PAPSS1: variants seen among roughly 807,000 people sequenced by gnomAD.
PAPSS1 encodes bifunctional 3'-phosphoadenosine 5'-phosphosulfate synthase 1.
PAPSS1 carries 50 observed loss-of-function variants against 72.0 expected under a neutral mutation model. The observed-to-expected ratio is 0.69, with a 90% CI of 0.55 to 0.88. The LOEUF is 0.88. PAPSS1 is among the 40% of genes least tolerant of loss of function. PAPSS1 has a pLI of 0.00. For missense variants in PAPSS1, 657 were observed against 782.2 expected (o/e 0.84, Z 1.91); for synonymous variants, 261 against 263.6 (o/e 0.99, Z 0.09).
chr4:107,717,729 C>T (rs1028984951), intron 1 of PAPSS1, among the ~76,000 whole-genome samples: 1 of 152,186 alleles, frequency 6.6e-6, no homozygotes, highest in Non-Finnish European at 1.5e-5. Flanking sequence ...ATCACCCTTA[C>T]CCCCGTGCCC....
intron 1 of PAPSS1, among the ~76,000 whole-genome samples, chr4:107,709,858 A>G (rs1456748963): frequency 6.6e-6 from 1 of 152,244 alleles, no homozygotes; most frequent in African/African-American, 2.4e-5. Context: ...GATTTGTTCA[A>G]TAATAAAAGT....
At chr4:107,646,546 A>C (rs1294980082) in intron 9 of PAPSS1, among the ~76,000 whole-genome samples, 1 of 152,148 alleles carries the variant, frequency 6.6e-6, no homozygotes, top group Non-Finnish European at 1.5e-5. Flanking sequence ...GTACAACATG[A>C]GCTGGAACAC....
rs779941501 is a variant in PAPSS1, at chr4:107,701,164, A to T, written c.175+7T>A. 6.3e-7 allele frequency: 1 copy of T among 1,592,128 alleles called. No individual in the cohort carries two copies. Among genetic ancestry groups the T allele is most frequent in the Non-Finnish European group, 8.6e-7 (1 of 1,160,264 alleles). On this transcript the variant is annotated splice_region_variant and intron_variant, in intron 2 of 11. Coordinates refer to ENST00000265174, the MANE Select transcript of PAPSS1 (RefSeq NM_005443.5). ...AAAATAAACTGCTTTCTCTCTCTTG[A>T]CCATACCTGTTAGCCAAACTGTGCA...
chr4:107,623,433 G>A (rs1354360854), intron 11 of PAPSS1, among the ~76,000 whole-genome samples: 1 of 152,220 alleles, frequency 6.6e-6, no homozygotes, highest in African/African-American at 2.4e-5. Flanking sequence ...GTTTGCTTCT[G>A]CTGAATGCTT....
At chr4:107,649,014 A>G (rs1726772719) in intron 9 of PAPSS1, among the ~76,000 whole-genome samples, 1 of 152,226 alleles carries the variant, frequency 6.6e-6, no homozygotes, top group Admixed American at 6.5e-5. Context: ...TTCTATTCTC[A>G]TGACTAAAAA....
rs201253920 is a variant in PAPSS1 at position 107,681,939 on chromosome 4, AT to A, written c.669+75del. The A allele has an allele frequency of 1.8e-3, 1,317 of 719,128 alleles. 2 individuals are homozygous for A. Among genetic ancestry groups the A allele is most frequent in the East Asian group, 5.3e-3 (201 of 37,736 alleles). 44.5% of individuals were successfully genotyped at this position (719,128 alleles called of 1,614,324 possible). A position where few individuals can be genotyped will look rare whatever the true frequency, so the allele number is the denominator to read the frequency against. The stretch of plus-strand genomic sequence containing the variant: ...AATGTTACTCAATATTAACACCACC[AT>A]TTTTTTTTGGAGGGGAAAGATTATG... On this transcript the variant is annotated intron_variant, in intron 5 of 11. Transcript: ENST00000265174.
chr4:107,642,498 A>T (rs1041276624), intron 10 of PAPSS1, among the ~76,000 whole-genome samples: 2 of 152,224 alleles, frequency 1.3e-5, no homozygotes, highest in African/African-American at 4.8e-5. Context: ...CTAACATAAA[A>T]CTTACAACAA....
chr4:107,693,008 G>A (rs903504056), intron 3 of PAPSS1, among the ~76,000 whole-genome samples: 1 of 152,108 alleles, frequency 6.6e-6, no homozygotes, highest in Non-Finnish European at 1.5e-5. Context: ...GTTGGGGAGG[G>A]AGAACATCAG....
chr4:107,664,608 G>C (rs987024123), intron 5 of PAPSS1, among the ~76,000 whole-genome samples: 9 of 151,786 alleles, frequency 5.9e-5, no homozygotes, highest in African/African-American at 2.2e-4. Flanking sequence ...CTGCACTAAC[G>C]AATGTTTCTA....
intron 4 of PAPSS1, among the ~76,000 whole-genome samples, chr4:107,684,801 A>G (rs1319670960): frequency 1.3e-5 from 2 of 152,176 alleles, no homozygotes; most frequent in Admixed American, 6.5e-5. Context: ...TAAAATGTAT[A>G]AAACCAAGCT....
chr4:107,631,956 C>G, intron 10 of PAPSS1, 96 bp from the exon 11 acceptor site: 1 of 760,816 alleles, frequency 1.3e-6, no homozygotes, highest in Non-Finnish European at 2.1e-6. Flanking sequence ...TTTATAAAAT[C>G]ATTATCGGTA....
chr4:107,686,633 G>A (rs1045980107), intron 4 of PAPSS1, among the ~76,000 whole-genome samples: 4 of 152,158 alleles, frequency 2.6e-5, no homozygotes, highest in Non-Finnish European at 5.9e-5. Context: ...TAAAGTACAA[G>A]GCATTATCCT....
intron 11 of PAPSS1, among the ~76,000 whole-genome samples, chr4:107,621,608 C>CTT (rs10670438): frequency 0.059 from 2,857 of 48,118 alleles, 684 homozygotes; most frequent in Middle Eastern, 0.075. Context: ...GGTTTTTTAT[C>CTT]TTTTTTTTTT....
chr4:107,681,642 T>C (rs1722617650), intron 5 of PAPSS1, among the ~76,000 whole-genome samples: 2 of 152,140 alleles, frequency 1.3e-5, no homozygotes, highest in African/African-American at 4.8e-5. Flanking sequence ...GCACTCTAAA[T>C]ATCTAAGAAA....
In PAPSS1 at chr4:107,685,804, C is replaced by T. The variant is rs376827873; in HGVS notation, c.550+1235G>A. On this transcript the variant is annotated intron_variant, in intron 4 of 11. Transcript: ENST00000265174. ...AGAATAACTACCATTTTCCTTCCCA[C>T]TGTATCTTTTTGTTTTCAGGGCCAG... 4.6e-5 allele frequency among the ~76,000 whole-genome samples: 7 copies of T among 152,296 alleles called. No individual in the cohort carries two copies. In the East Asian group the frequency reaches 1.4e-3, roughly 29 times the overall value.
At chr4:107,681,405 G>A (rs1722603714) in intron 5 of PAPSS1, among the ~76,000 whole-genome samples, 1 of 152,106 alleles carries the variant, frequency 6.6e-6, no homozygotes. Flanking sequence ...AGGGTAGTAT[G>A]GACAAAACAC....
At chr4:107,638,600 C>A (rs1312959730) in intron 10 of PAPSS1, among the ~76,000 whole-genome samples, 1 of 152,112 alleles carries the variant, frequency 6.6e-6, no homozygotes, top group Non-Finnish European at 1.5e-5. Context: ...TGCTCAGCCT[C>A]CACCTCCTCT....
chr4:107,635,103 T>C (rs1191221080), intron 10 of PAPSS1, among the ~76,000 whole-genome samples: 10 of 152,204 alleles, frequency 6.6e-5, no homozygotes, highest in Admixed American at 6.5e-4. Context: ...TGGCCTATTC[T>C]AGACATATTT....
At chr4:107,646,557 C>CAAA (rs1332606406) in intron 9 of PAPSS1, among the ~76,000 whole-genome samples, 1 of 152,100 alleles carries the variant, frequency 6.6e-6, no homozygotes, top group African/African-American at 2.4e-5. Context: ...GCTGGAACAC[C>CAAA]TTTTTGCACC....
Sources: gnomAD v4.1 joint callset for allele counts (sites outside exome capture counted in the v4.1 genomes callset) on GRCh38, gnomAD v4.1.1 for gene constraint, MANE v1.5 for transcripts, NCBI Gene and HGNC (gene_info 2026-07-23, HGNC 2026-07-21) for gene names.